Variants in ZBBX observed in about 807,000 individuals in gnomAD.
The protein encoded by ZBBX is zinc finger B-box domain containing, also known as zinc finger B-box domain-containing protein 1.
In ZBBX, 101 loss-of-function variants were observed where a neutral mutation model predicts 108.5. That is an observed-to-expected ratio of 0.93 (90% CI 0.79 to 1.10). The LOEUF is 1.10. ZBBX is among the 50% of genes least tolerant of loss of function. ZBBX has a pLI of 0.00. For missense variants in ZBBX, 1,009 were observed against 941.4 expected (o/e 1.07, Z -0.94); for synonymous variants, 356 against 323.4 (o/e 1.10, Z -1.08).
chr3:167,382,473 C>A (rs975099264), upstream of ZBBX, among the ~76,000 whole-genome samples: 1 of 152,130 alleles, frequency 6.6e-6, no homozygotes, highest in African/African-American at 2.4e-5. Flanking sequence ...ACTCATGCTT[C>A]TTTGTGCCAC....
intron 12 of ZBBX, among the ~76,000 whole-genome samples, chr3:167,321,872 G>A (rs978757326): frequency 1.6e-4 from 24 of 151,386 alleles, no homozygotes; most frequent in Admixed American, 7.9e-4. Context: ...CTGCATTTGC[G>A]CCTTTTCCTT....
At chr3:167,322,333 T>C in intron 11 of ZBBX, 96 bp from the exon 12 acceptor site, 1 of 1,036,618 alleles carries the variant, frequency 9.6e-7, no homozygotes, top group Non-Finnish European at 1.3e-6. Flanking sequence ...TTTTGGGGCA[T>C]ATATGCTTTA....
the ZBBX span, among the ~76,000 whole-genome samples, chr3:167,214,752 T>C: frequency 7.9e-5 from 12 of 152,068 alleles, no homozygotes; most frequent in African/African-American, 2.4e-4. Context: ...AAAAAAATCC[T>C]CAGCAAATGT....
chr3:167,346,514 T>C (rs1316826413), intron 9 of ZBBX, among the ~76,000 whole-genome samples: 4 of 151,938 alleles, frequency 2.6e-5, no homozygotes, highest in Non-Finnish European at 5.9e-5. Context: ...CAAATTTGGC[T>C]ACACTTTATA....
intron 6 of ZBBX, among the ~76,000 whole-genome samples, chr3:167,365,090 T>C (rs992362524): frequency 2.6e-5 from 4 of 151,808 alleles, no homozygotes; most frequent in African/African-American, 9.7e-5. Context: ...TTTTTAAACG[T>C]TGGGGTCAAA....
intron 20 of ZBBX, among the ~76,000 whole-genome samples, chr3:167,253,883 A>G (rs989619295): frequency 2.6e-5 from 4 of 152,212 alleles, no homozygotes; most frequent in African/African-American, 9.6e-5. Flanking sequence ...ATTTTCCACA[A>G]GTCCTTTGGC....
At chr3:167,394,527 C>T (rs954098643) in intron 1 of ZBBX, among the ~76,000 whole-genome samples, 4 of 151,674 alleles carry the variant, frequency 2.6e-5, no homozygotes, top group Non-Finnish European at 5.9e-5. Context: ...ATAAAAAATG[C>T]TATTCTGTCC....
At chr3:167,261,968 C>T (rs753647677) in intron 20 of ZBBX, among the ~76,000 whole-genome samples, 54 of 152,122 alleles carry the variant, frequency 3.5e-4, no homozygotes, top group Admixed American at 2.6e-4. Context: ...TTTTGGATCC[C>T]TGTGGTGCAG....
At chr3:167,188,079 A>T in the ZBBX span, among the ~76,000 whole-genome samples, 94 of 152,154 alleles carry the variant, frequency 6.2e-4, no homozygotes, top group Non-Finnish European at 1.1e-3. Context: ...AAAAAATCTT[A>T]CTCAGATTAA....
the ZBBX span, among the ~76,000 whole-genome samples, chr3:167,188,938 T>A: frequency 6.6e-6 from 1 of 152,168 alleles, no homozygotes. Flanking sequence ...AAAGACACAG[T>A]AAGAATCTTC....
intron 1 of ZBBX, among the ~76,000 whole-genome samples, chr3:167,394,614 A>G (rs1005667490): frequency 6.6e-6 from 1 of 151,902 alleles, no homozygotes; most frequent in Admixed American, 6.6e-5. Context: ...ATCCTCTGAG[A>G]CAAAAGGTTA....
rs1049172270 is a variant in ZBBX at position 167,328,135 on chromosome 3, A to G, written c.688-19T>C. 7 of 1,575,024 alleles carry G rather than the reference A, an allele frequency of 4.4e-6. No individual in the cohort carries two copies. The highest frequency in any genetic ancestry group is 1.7e-4 in the Middle Eastern group (1 of 5,860). ...TTTCTACCTAATTAAAAGGATACAT[A>G]GGCATGCTTTATTAAATTTTCTGTA... On this transcript the variant is annotated intron_variant, in intron 10 of 21. Transcript: ENST00000675490.
At chr3:167,389,781 G>T (rs971047622) in intron 1 of ZBBX, among the ~76,000 whole-genome samples, 1 of 151,844 alleles carries the variant, frequency 6.6e-6, no homozygotes, top group Non-Finnish European at 1.5e-5. Flanking sequence ...CTTCTGTTGA[G>T]AAGTGTCTGT....
At chr3:167,233,332 A>C in the ZBBX span, among the ~76,000 whole-genome samples, 1 of 151,838 alleles carries the variant, frequency 6.6e-6, no homozygotes, top group Non-Finnish European at 1.5e-5. Context: ...ATATACAATT[A>C]AAAAACAAAC....
intron 1 of ZBBX, among the ~76,000 whole-genome samples, chr3:167,399,259 T>A (rs1560217137): frequency 6.6e-6 from 1 of 152,274 alleles, no homozygotes; most frequent in African/African-American, 2.4e-5. Context: ...CAATTGTATG[T>A]CAGGGATTGT....
intron 20 of ZBBX, among the ~76,000 whole-genome samples, chr3:167,268,197 G>A (rs959036746): frequency 2.0e-5 from 3 of 151,940 alleles, no homozygotes; most frequent in African/African-American, 7.3e-5. Context: ...TCACAAGTCT[G>A]GAATTTAAAG....
chr3:167,349,122 G>A (rs868275783), intron 9 of ZBBX, among the ~76,000 whole-genome samples: 1 of 152,184 alleles, frequency 6.6e-6, no homozygotes, highest in South Asian at 2.1e-4. Context: ...ATGGAGCCAT[G>A]TCTCATTGTT....
chr3:167,382,406 C>T (rs1747784307), upstream of ZBBX, among the ~76,000 whole-genome samples: 1 of 152,262 alleles, frequency 6.6e-6, no homozygotes, highest in Non-Finnish European at 1.5e-5. Context: ...CCAGCAATGC[C>T]GCACACAGTT....
chr3:167,314,176 T>C, intron 15 of ZBBX, 60 bp from the exon 16 acceptor site: 1 of 1,449,012 alleles, frequency 6.9e-7, no homozygotes, highest in Non-Finnish European at 9.2e-7. Flanking sequence ...AAAAAGAAAA[T>C]TTTAAAAGTC....
Sources: allele counts gnomAD v4.1 joint callset (sites outside exome capture counted in the v4.1 genomes callset), GRCh38; gene constraint gnomAD v4.1.1; transcripts MANE v1.5; gene names NCBI Gene and HGNC (gene_info 2026-07-23, HGNC 2026-07-21).